TET3: variants seen among roughly 807,000 people sequenced by gnomAD.
TET3 encodes the protein tet methylcytosine dioxygenase 3.
TET3 carries 19 observed loss-of-function variants against 141.4 expected under a neutral mutation model. That is an observed-to-expected ratio of 0.13 (90% confidence interval 0.09 to 0.20). TET3 has a LOEUF of 0.20. TET3 is among the 10% of genes least tolerant of loss of function. TET3 has a pLI of 1.00. For synonymous variants in TET3, 1,043 were observed against 980.9 expected, an observed-to-expected ratio of 1.06 and a Z score of -1.18; for missense variants, 1,874 against 2,356.9, an observed-to-expected ratio of 0.80 and a Z score of 4.24.
At chr2:74,095,881 G>A (rs1227543330) in intron 10 of TET3, among the ~76,000 whole-genome samples, 1 of 152,224 alleles carries the variant, frequency 6.6e-6, no homozygotes, top group Non-Finnish European at 1.5e-5. Flanking sequence ...CAGGCTTGGG[G>A]CACTAATTCT....
intron 4 of TET3, among the ~76,000 whole-genome samples, chr2:74,070,351 A>G (rs2103912855): frequency 6.6e-6 from 1 of 152,324 alleles, no homozygotes; most frequent in South Asian, 2.1e-4. Context: ...TCCCCTTATC[A>G]AACCATCAGA....
At chr2:74,089,452 A>G (rs1051313132) in intron 7 of TET3, among the ~76,000 whole-genome samples, 3 of 152,162 alleles carry the variant, frequency 2.0e-5, no homozygotes, top group Non-Finnish European at 4.4e-5. Flanking sequence ...GTTAATTTTC[A>G]TCTCAGTATA....
At chr2:74,002,680 G>A in intron 2 of TET3, 1 of 415,882 alleles carries the variant, frequency 2.4e-6, no homozygotes, top group Non-Finnish European at 4.2e-6. Flanking sequence ...GCCCCGCGGC[G>A]GGGAGGGGAG....
intron 3 of TET3, among the ~76,000 whole-genome samples, chr2:74,013,618 G>A (rs1685581147): frequency 6.6e-6 from 1 of 151,854 alleles, no homozygotes. Context: ...GACCATCCTG[G>A]CTAACACAGT....
intron 2 of TET3, among the ~76,000 whole-genome samples, chr2:74,000,965 A>C (rs2105131494): frequency 6.6e-6 from 1 of 152,120 alleles, no homozygotes; most frequent in Middle Eastern, 3.4e-3. Context: ...CCAGCAGCAG[A>C]CTGTATGGGG....
At chr2:74,012,613 A>G (rs1685518194) in intron 3 of TET3, among the ~76,000 whole-genome samples, 1 of 152,184 alleles carries the variant, frequency 6.6e-6, no homozygotes, top group Non-Finnish European at 1.5e-5. Context: ...CTGACATTAG[A>G]GCTGATGCTT....
At chr2:73,989,038 A>G (rs1158260232) in intron 2 of TET3, among the ~76,000 whole-genome samples, 1 of 139,650 alleles carries the variant, frequency 7.2e-6, no homozygotes, top group Non-Finnish European at 1.5e-5. Flanking sequence ...TGAATGCCAG[A>G]GAGTCACTGT....
intron 8 of TET3, among the ~76,000 whole-genome samples, chr2:74,090,360 G>T (rs1690411855): frequency 1.3e-5 from 2 of 152,194 alleles, no homozygotes; most frequent in Non-Finnish European, 2.9e-5. Flanking sequence ...CCTCTCAGAG[G>T]TCATTTCTCC....
intron 1 of TET3, 44 bp from the exon 2 acceptor site, chr2:73,985,936 C>T (rs1393398165): frequency 6.5e-6 from 1 of 153,636 alleles, no homozygotes; most frequent in Non-Finnish European, 1.4e-5. Context: ...TGAAAGTTGT[C>T]CCTGAGCCCC....
At chr2:74,090,933 C>T (rs1319403051) in intron 8 of TET3, among the ~76,000 whole-genome samples, 1 of 152,188 alleles carries the variant, frequency 6.6e-6, no homozygotes, top group Admixed American at 6.5e-5. Flanking sequence ...ACTCAAGTTG[C>T]AACCTTCCAA....
the TET3 span, among the ~76,000 whole-genome samples, chr2:74,127,524 A>T: frequency 5.9e-5 from 9 of 152,290 alleles, no homozygotes; most frequent in South Asian, 2.1e-4. Context: ...ATTTAACCAA[A>T]CGAATTGGAG....
intron 5 of TET3, among the ~76,000 whole-genome samples, chr2:74,076,424 C>G (rs1473510635): frequency 1.7e-5 from 2 of 117,562 alleles, no homozygotes; most frequent in Non-Finnish European, 3.5e-5. Context: ...AGAACCTATT[C>G]AGGTTCATTC....
At chr2:74,013,880 C>G (rs1293524860) in intron 3 of TET3, among the ~76,000 whole-genome samples, 3 of 152,202 alleles carry the variant, frequency 2.0e-5, no homozygotes, top group South Asian at 4.2e-4. Flanking sequence ...CTGATCTCCC[C>G]TCTACTCCCC....
chr2:73,986,510 C>G lies in TET3; in HGVS notation c.107C>G (p.Ser36Cys). 8.1e-7 allele frequency: 1 copy of G among 1,232,212 alleles called. No individual in the cohort carries two copies. The highest frequency in any genetic ancestry group is 1.0e-6 in the Non-Finnish European group (1 of 988,054). The allele number at this position is 1,232,212 out of a possible 1,614,324, so 76.3% of individuals were successfully genotyped here. A position where few individuals can be genotyped will look rare whatever the true frequency, so the allele number is the denominator to read the frequency against. Residue 36 changes from serine (S) to cysteine (C), a missense_variant, in exon 2 of 12, where the codon TCC becomes TGC. Physicochemically the swap from Ser to Cys is moderately radical, Grantham distance 112 (BLOSUM62 -1). Coordinates refer to ENST00000409262, the MANE Select transcript of TET3 (RefSeq NM_001287491.2). ...MVGSFPGSGLSMAGSESQLRG... is the reference protein window; with the variant it reads ...MVGSFPGSGLCMAGSESQLRG... Reference sequence around the variant, plus strand: ...GGGAGCTTCCCGGGGTCTGGGCTCTCCATGGCTGGGAGTGAGTCCCAACTC... The same window carrying G: ...GGGAGCTTCCCGGGGTCTGGGCTCTGCATGGCTGGGAGTGAGTCCCAACTC...
At chr2:74,071,358 T>C (rs1271159697) in intron 4 of TET3, among the ~76,000 whole-genome samples, 1 of 152,234 alleles carries the variant, frequency 6.6e-6, no homozygotes, top group Non-Finnish European at 1.5e-5. Flanking sequence ...TTGCAGACAG[T>C]GTTGCTGTGA....
At chr2:74,004,455 G>T (rs1443965611) in intron 3 of TET3, among the ~76,000 whole-genome samples, 1 of 152,182 alleles carries the variant, frequency 6.6e-6, no homozygotes, top group Non-Finnish European at 1.5e-5. Context: ...GGACTTCTAG[G>T]TGAGGCTGCA....
In TET3 at chr2:74,108,175, A is replaced by G. The variant is rs893806221; in HGVS notation, c.*5999A>G. ...ATTTTATATTTATTTTTTGCACTCA[A>G]ATTCAGTGTGGGTTCTCTTTTTCCC... is the stretch of plus-strand genomic sequence containing the variant. On this transcript the variant is annotated 3_prime_UTR_variant, in exon 12 of 12. Transcript: ENST00000409262. 3.9e-5 allele frequency: 6 copies of G among 153,784 alleles called. No individual in the cohort carries two copies. Among genetic ancestry groups the G allele is most frequent in the African/African-American group, 1.4e-4 (6 of 41,456 alleles). 9.5% of individuals were successfully genotyped at this position (153,784 alleles called of 1,614,324 possible). A position where few individuals can be genotyped will look rare whatever the true frequency, so the allele number is the denominator to read the frequency against.
downstream of TET3, among the ~76,000 whole-genome samples, chr2:74,113,006 C>CAAAAAAAAA (rs60299737): frequency 8.7e-5 from 3 of 34,398 alleles, no homozygotes; most frequent in African/African-American, 2.0e-4. Context: ...GACTCCGTCT[C>CAAAAAAAAA]AAAAAAAAAA....
chr2:74,121,455 A>T, the TET3 span: 1 of 152,280 alleles, frequency 6.6e-6, no homozygotes, highest in Non-Finnish European at 1.5e-5. Flanking sequence ...ACAGCTGGTA[A>T]TAAAAACTTT....
Sources: allele counts gnomAD v4.1 joint callset (sites outside exome capture counted in the v4.1 genomes callset), GRCh38; gene constraint gnomAD v4.1.1; transcripts MANE v1.5; gene names NCBI Gene and HGNC (gene_info 2026-07-23, HGNC 2026-07-21).